DGKI: variants seen among roughly 807,000 people sequenced by gnomAD.
DGKI encodes diacylglycerol kinase iota.
A neutral mutation model predicts 147.5 loss-of-function variants in DGKI; 55 were observed. The ratio of observed to expected loss-of-function variants is 0.37; its 90% CI spans 0.30 to 0.47. The LOEUF (loss-of-function observed/expected upper bound fraction) is 0.47. DGKI is among the 20% of genes least tolerant of loss of function. The pLI is 1.00. For missense variants in DGKI, 1,007 were observed against 1,323.8 expected (o/e 0.76, Z 3.71); for synonymous variants, 469 against 477.1 (o/e 0.98, Z 0.22).
intron 6 of DGKI, among the ~76,000 whole-genome samples, chr7:137,639,691 G>A (rs952168206): frequency 6.6e-6 from 1 of 152,100 alleles, no homozygotes; most frequent in African/African-American, 2.4e-5. Context: ...AAGGGCCCCA[G>A]GGTGACCAGG....
At chr7:137,605,839 C>T (rs906122010) in intron 10 of DGKI, among the ~76,000 whole-genome samples, 12 of 152,150 alleles carry the variant, frequency 7.9e-5, no homozygotes, top group African/African-American at 2.4e-4. Context: ...GATGACCAGA[C>T]GTTGGACAGT....
chr7:137,696,321 C>T (rs1416467509), intron 1 of DGKI, among the ~76,000 whole-genome samples: 3 of 151,660 alleles, frequency 2.0e-5, no homozygotes, highest in Non-Finnish European at 2.9e-5. Flanking sequence ...AAGCACCGCA[C>T]ACTTTCCTCA....
chr7:137,630,524 G>C (rs536842742), intron 6 of DGKI, among the ~76,000 whole-genome samples: 1 of 152,292 alleles, frequency 6.6e-6, no homozygotes, highest in South Asian at 2.1e-4. Flanking sequence ...GTGTCATGCT[G>C]TATGAAACAA....
intron 6 of DGKI, among the ~76,000 whole-genome samples, chr7:137,625,171 T>C (rs1820889122): frequency 6.6e-6 from 1 of 152,202 alleles, no homozygotes; most frequent in South Asian, 2.1e-4. Flanking sequence ...TTAAAAAGGC[T>C]GCTTGCAGCT....
chr7:137,609,736 T>A, intron 8 of DGKI, 127 bp from the exon 9 acceptor site: 1 of 646,466 alleles, frequency 1.5e-6, no homozygotes, highest in Non-Finnish European at 2.7e-6. Context: ...CTTTCACACT[T>A]CCAAGCCACT....
chr7:137,451,794 TTTTCA>T (rs1813971002), intron 27 of DGKI, among the ~76,000 whole-genome samples: 1 of 152,202 alleles, frequency 6.6e-6, no homozygotes, highest in South Asian at 2.1e-4. Flanking sequence ...TACAATATCC[TTTTCA>T]TTTCAATAAC....
chr7:137,449,776 T>C (rs1221470135), intron 27 of DGKI, among the ~76,000 whole-genome samples: 1 of 152,084 alleles, frequency 6.6e-6, no homozygotes, highest in African/African-American at 2.4e-5. Flanking sequence ...AAGGTAAATA[T>C]TAAAAGTAAG....
intron 28 of DGKI, among the ~76,000 whole-genome samples, chr7:137,431,712 T>C (rs1332330681): frequency 6.6e-6 from 1 of 152,230 alleles, no homozygotes; most frequent in Non-Finnish European, 1.5e-5. Context: ...TGTTCTCTCC[T>C]GGCTCAGAAG....
intron 1 of DGKI, among the ~76,000 whole-genome samples, chr7:137,792,484 G>T (rs1158425966): frequency 1.3e-5 from 2 of 152,164 alleles, no homozygotes; most frequent in Admixed American, 1.3e-4. Context: ...AGTGCTACTC[G>T]ATAGCACCAG....
chr7:137,770,605 C>A lies in DGKI; in HGVS notation c.401+75857G>T, dbSNP rs1359017021. 6.4e-5 allele frequency among the ~76,000 whole-genome samples: 3 copies of A among 46,766 alleles called. 1 individual carries two copies. Among genetic ancestry groups the A allele is most frequent in the Non-Finnish European group, 1.1e-4 (3 of 28,534 alleles). 30.7% of individuals were successfully genotyped at this position (46,766 alleles called of 152,430 possible). A position where few individuals can be genotyped will look rare whatever the true frequency, so the allele number is the denominator to read the frequency against. On this transcript the variant is annotated intron_variant, in intron 1 of 32. Transcript: ENST00000614521. ...CTGGAGTGCAGTGGCGGGATCTCGG[C>A]TCACTGCAAGCTCCGCCTCCCGGGT...
At chr7:137,711,684 CTTTTTTTTTT>C (rs71177918) in intron 1 of DGKI, among the ~76,000 whole-genome samples, 2 of 79,726 alleles carry the variant, frequency 2.5e-5, no homozygotes, top group African/African-American at 5.2e-5. Flanking sequence ...GGGATACCAA[CTTTTTTTTTT>C]TTTTTTTTTT....
intron 27 of DGKI, among the ~76,000 whole-genome samples, chr7:137,446,935 T>A (rs1307983582): frequency 6.6e-6 from 1 of 152,222 alleles, no homozygotes; most frequent in Non-Finnish European, 1.5e-5. Context: ...TGTGGTTGTA[T>A]CCCAGACTGT....
chr7:137,556,766 G>T (rs1277526442), intron 19 of DGKI, among the ~76,000 whole-genome samples: 2 of 152,084 alleles, frequency 1.3e-5, no homozygotes, highest in African/African-American at 4.8e-5. Flanking sequence ...CCAATTCAAT[G>T]TAATTCAAAT....
At chr7:137,757,931 T>C (rs1795738501) in intron 1 of DGKI, among the ~76,000 whole-genome samples, 1 of 152,224 alleles carries the variant, frequency 6.6e-6, no homozygotes, top group Non-Finnish European at 1.5e-5. Context: ...CTTTCCAACT[T>C]TGAGAGAGCT....
At chr7:137,676,842 T>C (rs546645740) in intron 3 of DGKI, among the ~76,000 whole-genome samples, 1 of 152,322 alleles carries the variant, frequency 6.6e-6, no homozygotes, top group Admixed American at 6.5e-5. Context: ...TATACGTATC[T>C]GTTCATATAT....
chr7:137,430,893 G>A (rs566244425), intron 28 of DGKI, among the ~76,000 whole-genome samples: 1 of 152,162 alleles, frequency 6.6e-6, no homozygotes, highest in East Asian at 1.9e-4. Context: ...CCCCATTCAG[G>A]ACTCAGAGGG....
chr7:137,399,404 A>G (rs1811667245), intron 30 of DGKI, among the ~76,000 whole-genome samples: 1 of 152,170 alleles, frequency 6.6e-6, no homozygotes, highest in Admixed American at 6.5e-5. Flanking sequence ...AAACATGAAT[A>G]ATGATCCTTA....
At chr7:137,458,876 C>G (rs1814308780) in intron 27 of DGKI, among the ~76,000 whole-genome samples, 1 of 152,020 alleles carries the variant, frequency 6.6e-6, no homozygotes, top group African/African-American at 2.4e-5. Context: ...TCCTTGGACA[C>G]TGAAAAAAAA....
chr7:137,531,693 T>G (rs894813160), intron 20 of DGKI, among the ~76,000 whole-genome samples: 1 of 152,228 alleles, frequency 6.6e-6, no homozygotes, highest in African/African-American at 2.4e-5. Flanking sequence ...TTCCCCAGGA[T>G]TTGCAATCAC....
Sources: allele counts gnomAD v4.1 joint callset (sites outside exome capture counted in the v4.1 genomes callset), GRCh38; gene constraint gnomAD v4.1.1; transcripts MANE v1.5; gene names NCBI Gene and HGNC (gene_info 2026-07-23, HGNC 2026-07-21).